PLEKHA6: variants seen among roughly 807,000 people sequenced by gnomAD.
PLEKHA6 encodes the protein pleckstrin homology domain-containing family A member 6.
In PLEKHA6, 60 loss-of-function variants were observed where a neutral mutation model predicts 116.7. The observed-to-expected ratio is 0.51, with a 90% CI of 0.42 to 0.64. The LOEUF is 0.64. Among genes scored for constraint, PLEKHA6 ranks in the 30% least tolerant of loss-of-function variants. The pLI, the probability that PLEKHA6 is intolerant of heterozygous loss-of-function variation, is 0.00. For missense variants in PLEKHA6, 1,338 were observed against 1,422.7 expected (o/e 0.94, Z 0.96); for synonymous variants, 489 against 556.1 (o/e 0.88, Z 1.70).
intron 1 of PLEKHA6, among the ~76,000 whole-genome samples, chr1:204,336,282 C>T (rs967064940): frequency 6.6e-6 from 1 of 152,228 alleles, no homozygotes; most frequent in Admixed American, 6.5e-5. Flanking sequence ...TACCTCTGGT[C>T]TGGTCTCCCT....
chr1:204,302,739 G>A (rs1473038524), intron 1 of PLEKHA6, among the ~76,000 whole-genome samples: 1 of 152,188 alleles, frequency 6.6e-6, no homozygotes, highest in African/African-American at 2.4e-5. Flanking sequence ...ATCTGAGCGT[G>A]GTGGCGCATG....
In PLEKHA6 at chr1:204,267,551, C is replaced by A. The variant is rs367545910; in HGVS notation, c.208-4G>T. 7 of 1,613,598 alleles carry A rather than the reference C, an allele frequency of 4.3e-6. No individual in the cohort carries two copies. Among genetic ancestry groups the A allele is most frequent in the South Asian group, 1.1e-5 (1 of 91,052 alleles). ...ACTGCTTAACCCCGGAGCTGGCCTG[C>A]GGGACATGGGAGAGGCAGATGTGAG... On this transcript the variant is annotated splice_region_variant and splice_polypyrimidine_tract_variant and intron_variant, in intron 4 of 22. Coordinates refer to ENST00000272203, the MANE Select transcript of PLEKHA6 (RefSeq NM_014935.5).
intron 8 of PLEKHA6, among the ~76,000 whole-genome samples, chr1:204,258,118 G>A (rs1665609076): frequency 1.3e-5 from 2 of 152,100 alleles, no homozygotes; most frequent in Admixed American, 1.3e-4. Flanking sequence ...ATATCCCTAG[G>A]AAGAAACGTG....
intron 3 of PLEKHA6, among the ~76,000 whole-genome samples, chr1:204,269,848 C>T (rs977890838): frequency 9.2e-5 from 14 of 152,194 alleles, no homozygotes; most frequent in Admixed American, 4.6e-4. Context: ...GATGTCTTCT[C>T]CTTAGCAGAT....
At chr1:204,325,875 A>G (rs1183971479) in intron 1 of PLEKHA6, 1 of 981,208 alleles carries the variant, frequency 1.0e-6, no homozygotes, top group Admixed American at 6.2e-5. Context: ...CAGCATGGGG[A>G]GAAGTAGTAG....
At chr1:204,234,128 G>A (rs4619032) in intron 17 of PLEKHA6, among the ~76,000 whole-genome samples, 78,424 of 151,922 alleles carry the variant, frequency 0.52, 20,867 homozygotes, top group African/African-American at 0.66. Flanking sequence ...TCCTGGATGA[G>A]GATGGGCCCT....
At chr1:204,290,980 C>T (rs1196379768) in intron 1 of PLEKHA6, among the ~76,000 whole-genome samples, 1 of 125,098 alleles carries the variant, frequency 8.0e-6, no homozygotes, top group East Asian at 2.5e-4. Flanking sequence ...CAGAGTGAGA[C>T]CCTGTCTCAA....
At chr1:204,286,723 T>C (rs1669221129) in intron 1 of PLEKHA6, among the ~76,000 whole-genome samples, 1 of 152,132 alleles carries the variant, frequency 6.6e-6, no homozygotes, top group Non-Finnish European at 1.5e-5. Flanking sequence ...TGCCTGGAAA[T>C]AACAATCCCA....
At chr1:204,333,336 T>A (rs2103279857) in intron 1 of PLEKHA6, among the ~76,000 whole-genome samples, 1 of 152,306 alleles carries the variant, frequency 6.6e-6, no homozygotes, top group South Asian at 2.1e-4. Context: ...CAAAGGCCCC[T>A]TCTTTACTCT....
intron 17 of PLEKHA6, among the ~76,000 whole-genome samples, chr1:204,236,104 G>T (rs533886294): frequency 6.6e-6 from 1 of 152,296 alleles, no homozygotes; most frequent in East Asian, 1.9e-4. Flanking sequence ...GAACAGGCAT[G>T]GGAATGGATA....
intron 6 of PLEKHA6, among the ~76,000 whole-genome samples, chr1:204,263,580 T>C (rs1211455680): frequency 1.3e-5 from 2 of 151,800 alleles, no homozygotes; most frequent in African/African-American, 4.8e-5. Flanking sequence ...GAGGGGCTGG[T>C]GGGCAGAGAG....
intron 15 of PLEKHA6, 52 bp from the exon 16 acceptor site, chr1:204,241,866 T>G (rs984473295): frequency 6.3e-7 from 1 of 1,598,596 alleles, no homozygotes; most frequent in African/African-American, 1.3e-5. Context: ...TGTCAGGAAC[T>G]TGGCCCCCAG....
chr1:204,372,796 G>A (rs1673800012), intron 1 of PLEKHA6, among the ~76,000 whole-genome samples: 1 of 151,102 alleles, frequency 6.6e-6, no homozygotes, highest in South Asian at 2.1e-4. Flanking sequence ...CCCAGCAACT[G>A]ATTTGTTTTC....
chr1:204,259,425 T>C lies in PLEKHA6; in HGVS notation c.840A>G (p.Pro280=), dbSNP rs1665809993. ...NGWQYHSPSR[P]GSTAFPSQDG... is the part of the protein sequence containing the mutation. ...CCTGAGACGGGAAAGCTGTGCTCCC[T>C]GGCCGGCTTGGGGAGTGGTACTGCC... Residue 280 remains proline (P), a synonymous_variant, in exon 8 of 23, where the codon CCA becomes CCG. Coordinates refer to ENST00000272203, the MANE Select transcript of PLEKHA6 (RefSeq NM_014935.5). This position sits in a 1 kb window ranked among gnomAD's most constrained non-coding sequence, Gnocchi z 4.6. 11 of 1,614,104 alleles carry C rather than the reference T, an allele frequency of 6.8e-6. No homozygotes were observed. In the East Asian group the frequency reaches 2.5e-4, roughly 36 times the overall value.
At chr1:204,354,708 G>A (rs1400803274) in intron 1 of PLEKHA6, among the ~76,000 whole-genome samples, 1 of 152,208 alleles carries the variant, frequency 6.6e-6, no homozygotes, top group African/African-American at 2.4e-5. Context: ...AATTCCAGAT[G>A]AGCCTTCTCT....
chr1:204,330,566 C>G (rs1672408191), intron 1 of PLEKHA6, among the ~76,000 whole-genome samples: 1 of 152,220 alleles, frequency 6.6e-6, no homozygotes, highest in Non-Finnish European at 1.5e-5. Context: ...ATAAACTCCT[C>G]TAAGCTGGCC....
At chr1:204,280,833 G>A (rs1195553128) in intron 1 of PLEKHA6, 1 of 167,898 alleles carries the variant, frequency 6.0e-6, no homozygotes, top group Non-Finnish European at 1.2e-5. Flanking sequence ...CTCAGTTTAT[G>A]TTTCCAGCCA....
rs1378934847 is a variant in PLEKHA6, at chr1:204,259,772, A to T, written c.525-32T>A. The T allele has an allele frequency of 1.9e-6, 3 of 1,572,568 alleles. No homozygotes were observed. In the Admixed American group the frequency reaches 5.2e-5, roughly 27 times the overall value. ...GATGCCAAGGGAGATGCTGTCAGTG[A>T]CTCTAGCCCAGCATGGAGTGGGGCA... On this transcript the variant is annotated intron_variant, in intron 7 of 22. Coordinates refer to ENST00000272203, the MANE Select transcript of PLEKHA6 (RefSeq NM_014935.5). The surrounding 1 kb of genome is among the most constrained non-coding windows in gnomAD (Gnocchi z 4.6).
At chr1:204,248,995 T>A (rs1259716703) in intron 11 of PLEKHA6, 25 bp from the exon 12 acceptor site, 2 of 1,611,534 alleles carry the variant, frequency 1.2e-6, no homozygotes, top group Admixed American at 3.3e-5. Flanking sequence ...GGGAATGACA[T>A]GAGCAGCCCT....
Sources: gnomAD v4.1 joint callset for allele counts (sites outside exome capture counted in the v4.1 genomes callset) on GRCh38, gnomAD v4.1.1 for gene constraint, Gnocchi (gnomAD v3.1) non-coding constraint, MANE v1.5 for transcripts, NCBI Gene and HGNC (gene_info 2026-07-23, HGNC 2026-07-21) for gene names.